The following NOL4L variants were observed in gnomAD, a reference collection of about 807,000 sequenced individuals.
The protein encoded by NOL4L is nucleolar protein 4-like.
A neutral mutation model predicts 64.5 loss-of-function variants in NOL4L; 7 were observed. The ratio of observed to expected loss-of-function variants is 0.11; its 90% CI spans 0.06 to 0.20. The LOEUF (loss-of-function observed/expected upper bound fraction) is 0.20. Ranked by LOEUF, NOL4L falls within the 10% of genes least tolerant of loss-of-function variation. NOL4L has a pLI of 1.00. For missense variants in NOL4L, 680 were observed against 967.1 expected (o/e 0.70, Z 3.94); for synonymous variants, 413 against 401.0 (o/e 1.03, Z -0.36).
chr20:32,560,422 G>GGGT (rs1978937510), intron 1 of NOL4L, among the ~76,000 whole-genome samples: 1 of 152,156 alleles, frequency 6.6e-6, no homozygotes, highest in Non-Finnish European at 1.5e-5. Flanking sequence ...GTTCAAAGTG[G>GGGT]GACAAACTCA....
chr20:32,568,853 T>C (rs1014978329), intron 1 of NOL4L, among the ~76,000 whole-genome samples: 1 of 152,194 alleles, frequency 6.6e-6, no homozygotes, highest in African/African-American at 2.4e-5. Context: ...CCCCCCTTGA[T>C]GGGACTGCAG....
chr20:32,550,360 C>T (rs1250062974), intron 1 of NOL4L, among the ~76,000 whole-genome samples: 1 of 152,244 alleles, frequency 6.6e-6, no homozygotes, highest in Admixed American at 6.5e-5. Context: ...GATTCTCCGG[C>T]CTCGGCCTCC....
At chr20:32,505,495 T>C (rs2017102311) in intron 4 of NOL4L, among the ~76,000 whole-genome samples, 1 of 152,144 alleles carries the variant, frequency 6.6e-6, no homozygotes, top group Non-Finnish European at 1.5e-5. Context: ...GAGGCTGAGA[T>C]GGGCAGATCG....
intron 3 of NOL4L, among the ~76,000 whole-genome samples, chr20:32,512,588 C>T (rs1324415959): frequency 6.6e-6 from 1 of 152,184 alleles, no homozygotes; most frequent in African/African-American, 2.4e-5. Context: ...ACCATAATTG[C>T]ACCACGCAGC....
chr20:32,498,716 T>C (rs540456280), intron 4 of NOL4L, among the ~76,000 whole-genome samples: 2 of 144,984 alleles, frequency 1.4e-5, no homozygotes, highest in South Asian at 4.3e-4. Context: ...TGAGCTGTGA[T>C]TGCACCACTG....
At chr20:32,496,783 A>G (rs1600758963) in intron 4 of NOL4L, among the ~76,000 whole-genome samples, 2 of 152,184 alleles carry the variant, frequency 1.3e-5, no homozygotes, top group South Asian at 4.1e-4. Flanking sequence ...AACTGACCTC[A>G]GGTGATCCAC....
intron 1 of NOL4L, among the ~76,000 whole-genome samples, chr20:32,575,685 G>A (rs758302542): frequency 6.6e-5 from 10 of 152,226 alleles, no homozygotes; most frequent in Admixed American, 1.3e-4. Flanking sequence ...GACGCAGTCC[G>A]CCCTGCTAGT....
In NOL4L at chr20:32,453,570, G is replaced by A. The variant is rs989781006; in HGVS notation, c.1305+6C>T. 7.4e-6 allele frequency: 12 copies of A among 1,613,818 alleles called. No individual in the cohort carries two copies. In the African/African-American group the frequency reaches 9.3e-5, roughly 13 times the overall value. ...CCCACCCCACCTGTTTCCGGCCGGT[G>A]CTCACGTTGAAGGCCTTAAGACGCT... On this transcript the variant is annotated splice_donor_region_variant and intron_variant, in intron 7 of 10. Transcript: ENST00000621426. The surrounding 1 kb of genome is among the most constrained non-coding windows in gnomAD (Gnocchi z 5.6).
intron 5 of NOL4L, among the ~76,000 whole-genome samples, chr20:32,472,690 G>C (rs1418036569): frequency 6.6e-6 from 1 of 152,126 alleles, no homozygotes; most frequent in Non-Finnish European, 1.5e-5. Flanking sequence ...GGCAGCAGAG[G>C]CCAGGCCAGC....
At chr20:32,558,329 G>T (rs534871350) in intron 1 of NOL4L, among the ~76,000 whole-genome samples, 3 of 149,850 alleles carry the variant, frequency 2.0e-5, no homozygotes, top group Admixed American at 1.3e-4. Flanking sequence ...GCTGAAATCC[G>T]CATCGTAATC....
intron 4 of NOL4L, among the ~76,000 whole-genome samples, chr20:32,499,290 G>A (rs778891365): frequency 6.6e-6 from 1 of 152,144 alleles, no homozygotes; most frequent in African/African-American, 2.4e-5. Flanking sequence ...CTGGGCTCAT[G>A]GTGCTCCTGG....
chr20:32,554,163 T>C (rs1348833830), intron 1 of NOL4L, among the ~76,000 whole-genome samples: 1 of 151,156 alleles, frequency 6.6e-6, no homozygotes, highest in Non-Finnish European at 1.5e-5. Flanking sequence ...TACTAAAAAA[T>C]ACAAAAAATT....
intron 1 of NOL4L, among the ~76,000 whole-genome samples, chr20:32,584,264 G>A (rs1980740915): frequency 6.6e-6 from 1 of 151,140 alleles, no homozygotes; most frequent in Non-Finnish European, 1.5e-5. Flanking sequence ...GCAGCCGCCT[G>A]CTGGCGGGGG....
chr20:32,479,720 T>G (rs1343199773), intron 4 of NOL4L, among the ~76,000 whole-genome samples: 1 of 152,210 alleles, frequency 6.6e-6, no homozygotes, highest in Non-Finnish European at 1.5e-5. Flanking sequence ...CAATCATTTA[T>G]TCCAGCACCA....
At chr20:32,501,501 CT>C in intron 4 of NOL4L, among the ~76,000 whole-genome samples, 1 of 152,326 alleles carries the variant, frequency 6.6e-6, no homozygotes, top group South Asian at 2.1e-4. Context: ...TCTAAATAAA[CT>C]GTAGACTTTA....
At chr20:32,547,518 T>G (rs1197839684) in intron 1 of NOL4L, among the ~76,000 whole-genome samples, 1 of 152,034 alleles carries the variant, frequency 6.6e-6, no homozygotes, top group African/African-American at 2.4e-5. Context: ...CTTGAACTCC[T>G]GGGCTCAAGT....
chr20:32,484,131 G>A (rs1243589082), intron 4 of NOL4L, among the ~76,000 whole-genome samples: 1 of 152,084 alleles, frequency 6.6e-6, no homozygotes, highest in African/African-American at 2.4e-5. Flanking sequence ...GCACCCTCAG[G>A]AACTCTCGGC....
At chr20:32,553,598 G>A (rs1225065934) in intron 1 of NOL4L, among the ~76,000 whole-genome samples, 3 of 152,128 alleles carry the variant, frequency 2.0e-5, no homozygotes, top group Non-Finnish European at 4.4e-5. Flanking sequence ...TTTACATTTA[G>A]GGTTCATGGT....
At chr20:32,472,413 C>T (rs556398641) in intron 5 of NOL4L, among the ~76,000 whole-genome samples, 4 of 152,278 alleles carry the variant, frequency 2.6e-5, no homozygotes, top group African/African-American at 7.2e-5. Flanking sequence ...GACCCTCGGG[C>T]GGGGAGTGGA....
Sources: allele counts gnomAD v4.1 joint callset (sites outside exome capture counted in the v4.1 genomes callset), GRCh38; gene constraint gnomAD v4.1.1; non-coding constraint Gnocchi (gnomAD v3.1); transcripts MANE v1.5; gene names NCBI Gene and HGNC (gene_info 2026-07-23, HGNC 2026-07-21).